Variants in GRIP1 observed in about 807,000 individuals in gnomAD.
GRIP1 encodes glutamate receptor interacting protein 1, also known as glutamate receptor-interacting protein 1.
Under a neutral mutation model 129.9 loss-of-function variants are expected in GRIP1, and 45 were observed. The ratio of observed to expected loss-of-function variants is 0.35; its 90% CI spans 0.27 to 0.44. GRIP1 has a LOEUF of 0.44. Ranked by LOEUF, GRIP1 falls within the 20% of genes least tolerant of loss-of-function variation. The probability of loss-of-function intolerance (pLI) is 1.00; values close to 1 mark genes in which losing one functional copy is unlikely to be tolerated. For synonymous variants in GRIP1, 530 were observed against 520.8 expected, an observed-to-expected ratio of 1.02 and a Z score of -0.24; for missense variants, 1,196 against 1,396.8, an observed-to-expected ratio of 0.86 and a Z score of 2.29.
intron 1 of GRIP1, among the ~76,000 whole-genome samples, chr12:66,701,160 A>G (rs1474198037): frequency 6.6e-6 from 1 of 152,110 alleles, no homozygotes; most frequent in Non-Finnish European, 1.5e-5. Flanking sequence ...CACATCCATT[A>G]TGGTCCTACT....
intron 2 of GRIP1, among the ~76,000 whole-genome samples, chr12:66,543,475 T>G (rs1243499057): frequency 6.6e-6 from 1 of 152,210 alleles, no homozygotes; most frequent in Non-Finnish European, 1.5e-5. Context: ...CAGGACCTTT[T>G]ACATCATTTA....
chr12:66,854,336 G>A (rs2039966342), intron 1 of GRIP1, among the ~76,000 whole-genome samples: 1 of 113,952 alleles, frequency 8.8e-6, no homozygotes, highest in African/African-American at 3.1e-5. Flanking sequence ...AGATGAGAAT[G>A]GTGGTGAGGG....
At chr12:67,011,479 C>T (rs750609178) in intron 1 of GRIP1, among the ~76,000 whole-genome samples, 2 of 152,214 alleles carry the variant, frequency 1.3e-5, no homozygotes, top group Admixed American at 1.3e-4. Context: ...AAACCACTCA[C>T]CTTCACTCCT....
chr12:66,899,426 C>T (rs533430582), intron 1 of GRIP1, among the ~76,000 whole-genome samples: 2 of 151,798 alleles, frequency 1.3e-5, no homozygotes, highest in East Asian at 3.9e-4. Flanking sequence ...TGCAGTGGCA[C>T]GATCATAGCT....
intron 1 of GRIP1, among the ~76,000 whole-genome samples, chr12:66,975,517 A>G (rs2137594318): frequency 6.6e-6 from 1 of 152,288 alleles, no homozygotes; most frequent in East Asian, 1.9e-4. Flanking sequence ...ATAGATTTCC[A>G]CCTACCATGA....
At chr12:66,674,088 G>A (rs1455505704) in intron 1 of GRIP1, among the ~76,000 whole-genome samples, 1 of 152,152 alleles carries the variant, frequency 6.6e-6, no homozygotes, top group African/African-American at 2.4e-5. Context: ...GGCAGGATCT[G>A]ACAGAGAAGG....
intron 15 of GRIP1, among the ~76,000 whole-genome samples, chr12:66,415,910 G>A (rs1420945160): frequency 6.6e-6 from 1 of 152,094 alleles, no homozygotes; most frequent in Non-Finnish European, 1.5e-5. Context: ...CATACACTGG[G>A]GCCTGTCATG....
intron 1 of GRIP1, among the ~76,000 whole-genome samples, chr12:66,851,427 A>G (rs1253512150): frequency 6.6e-6 from 1 of 152,106 alleles, no homozygotes; most frequent in East Asian, 1.9e-4. Context: ...GCCAAAATAT[A>G]GAGTTTTATT....
chr12:66,560,157 C>T (rs2139388760), intron 2 of GRIP1, among the ~76,000 whole-genome samples: 1 of 152,172 alleles, frequency 6.6e-6, no homozygotes, highest in East Asian at 1.9e-4. Context: ...TTGCCATATA[C>T]AAAAATCAAA....
At position 66,547,696 on chromosome 12, in the gene GRIP1, C is replaced by G. The variant is rs78778942; in HGVS notation, c.137-5746G>C. Among the ~76,000 whole-genome samples the G allele has an allele frequency of 4.9e-3, 739 of 152,224 alleles. 5 individuals carry two copies. Among genetic ancestry groups the G allele is most frequent in the African/African-American group, 0.017 (702 of 41,544 alleles). On this transcript the variant is annotated intron_variant, in intron 2 of 24. Transcript: ENST00000359742. ...CCAAAGATTTCACATTGTGTGATTC[C>G]ATTTATTTAACATTCTTGAAATGAC... is the stretch of plus-strand genomic sequence containing the variant.
At chr12:66,410,668 A>G (rs969606012) in intron 15 of GRIP1, among the ~76,000 whole-genome samples, 4 of 150,616 alleles carry the variant, frequency 2.7e-5, no homozygotes, top group African/African-American at 4.9e-5. Context: ...CAAACAAACA[A>G]ACAGACAAAC....
chr12:66,832,732 A>C (rs2039540573), intron 1 of GRIP1, among the ~76,000 whole-genome samples: 1 of 152,182 alleles, frequency 6.6e-6, no homozygotes. Flanking sequence ...GCCTTAGGCA[A>C]ATCTTTAAAA....
chr12:66,700,896 C>T (rs761657424), intron 1 of GRIP1, among the ~76,000 whole-genome samples: 12 of 152,094 alleles, frequency 7.9e-5, no homozygotes, highest in Admixed American at 1.3e-4. Context: ...TTCTGAATCC[C>T]CCACGGGCTG....
intron 1 of GRIP1, among the ~76,000 whole-genome samples, chr12:66,868,540 T>G (rs2040242983): frequency 6.6e-6 from 1 of 151,652 alleles, no homozygotes; most frequent in African/African-American, 2.4e-5. Context: ...AATCCAGAGA[T>G]TTTTTACTCC....
At position 66,901,046 on chromosome 12, in the gene GRIP1, A is replaced by C. The variant is rs184145321; in HGVS notation, c.58+168004T>G. On this transcript the variant is annotated intron_variant, in intron 1 of 1. Coordinates refer to the GRIP1 transcript ENST00000643019. ...TGAATGAAAATGAACCAGAATATTT[A>C]AATCAGCTGCATGGAAATTTATCAC... Among the ~76,000 whole-genome samples, 326 of 152,316 alleles carry C rather than the reference A, an allele frequency of 2.1e-3. 1 individual carries two copies. The highest frequency in any genetic ancestry group is 3.0e-3 in the Non-Finnish European group (207 of 68,022).
At chr12:66,800,451 A>G (rs543551539) in intron 1 of GRIP1, among the ~76,000 whole-genome samples, 1 of 152,314 alleles carries the variant, frequency 6.6e-6, no homozygotes, top group African/African-American at 2.4e-5. Flanking sequence ...CTTCTTTCTC[A>G]AGTAATTCAG....
At chr12:66,520,934 T>C (rs2060982614) in intron 5 of GRIP1, among the ~76,000 whole-genome samples, 1 of 152,230 alleles carries the variant, frequency 6.6e-6, no homozygotes, top group Non-Finnish European at 1.5e-5. Context: ...GATTTGTATA[T>C]ATCACCCTTC....
At chr12:66,970,225 C>T (rs1359320729) in intron 1 of GRIP1, among the ~76,000 whole-genome samples, 9 of 152,014 alleles carry the variant, frequency 5.9e-5, no homozygotes, top group Non-Finnish European at 8.8e-5. Flanking sequence ...GGGACTACAG[C>T]CATGCACCAC....
chr12:67,028,252 A>C (rs1041883788), intron 1 of GRIP1, among the ~76,000 whole-genome samples: 2 of 152,234 alleles, frequency 1.3e-5, no homozygotes, highest in Admixed American at 6.5e-5. Flanking sequence ...TCCTTTTAGC[A>C]ATTCCACTGG....
Sources: allele counts gnomAD v4.1 joint callset (sites outside exome capture counted in the v4.1 genomes callset), GRCh38; gene constraint gnomAD v4.1.1; transcripts MANE v1.5; gene names NCBI Gene and HGNC (gene_info 2026-07-23, HGNC 2026-07-21).